Variants in NDC1 observed in about 807,000 individuals in gnomAD.
NDC1 encodes the protein nucleoporin NDC1.
Under a neutral mutation model 89.8 loss-of-function variants are expected in NDC1, and 24 were observed. The observed-to-expected ratio is 0.27, with a 90% CI of 0.19 to 0.38. The LOEUF (loss-of-function observed/expected upper bound fraction) is 0.38, where lower values mean the gene tolerates loss of function less well. NDC1 is among the 10% of genes least tolerant of loss of function. NDC1 has a pLI of 1.00. For synonymous variants in NDC1, 296 were observed against 284.8 expected, an observed-to-expected ratio of 1.04 and a Z score of -0.39; for missense variants, 728 against 797.6, an observed-to-expected ratio of 0.91 and a Z score of 1.05.
At chr1:53,779,246 T>C (rs1647185422) in intron 16 of NDC1, among the ~76,000 whole-genome samples, 1 of 151,746 alleles carries the variant, frequency 6.6e-6, no homozygotes, top group African/African-American at 2.4e-5. Context: ...AGAGATAATC[T>C]CATTTACTCT....
rs1455329490 is a variant in NDC1 at position 53,819,155 on chromosome 1, C to T, written c.595-76G>A. ...ACTCAACATCACCTTAAAGCAAGCACTTTACTGTAACAGTCTACATAGAAA... is the reference window on the plus strand; with the variant it reads ...ACTCAACATCACCTTAAAGCAAGCATTTTACTGTAACAGTCTACATAGAAA... On this transcript the variant is annotated intron_variant, in intron 5 of 17. Transcript: ENST00000371429. 4 of 720,186 alleles carry T rather than the reference C, an allele frequency of 5.6e-6. No individual in the cohort carries two copies. In the African/African-American group the frequency reaches 7.3e-5, roughly 13 times the overall value. The allele number at this position is 720,186 out of a possible 1,614,324, so 44.6% of individuals were successfully genotyped here.
intron 9 of NDC1, among the ~76,000 whole-genome samples, chr1:53,804,602 G>A (rs947745911): frequency 2.6e-5 from 4 of 151,800 alleles, no homozygotes; most frequent in African/African-American, 7.3e-5. Context: ...TCAGCCTCCC[G>A]AGTGGCTGGG....
rs1164844207 is a variant in NDC1 at position 53,832,519 on chromosome 1, A to C, written c.251T>G (p.Ile84Arg). 1 of 1,523,734 alleles carries C rather than the reference A, an allele frequency of 6.6e-7. No homozygotes were observed. The highest frequency in any genetic ancestry group is 1.2e-5 in the South Asian group (1 of 86,904). The allele number at this position is 1,523,734 out of a possible 1,614,324, so 94.4% of individuals were successfully genotyped here. The change falls in exon 3 of 18, where the codon ATA becomes AGA. Residue 84 changes from isoleucine to arginine, a missense_variant. By Grantham distance (97) the Ile-to-Arg change is moderately conservative. Coordinates refer to ENST00000371429, the MANE Select transcript of NDC1 (RefSeq NM_018087.5). ...ATAGAACTCCACATTGAAAATACTT[A>C]TTATTATTATTACCACTGACAGCAG... ...FLLLSVVIIIISIFNVEFYAV... is the reference protein window; with the variant it reads ...FLLLSVVIIIRSIFNVEFYAV...
intron 13 of NDC1, among the ~76,000 whole-genome samples, chr1:53,794,192 T>G (rs190914694): frequency 5.3e-4 from 81 of 152,192 alleles, no homozygotes; most frequent in Non-Finnish European, 1.0e-3. Flanking sequence ...CCCATGCTGG[T>G]CTCGAATTCC....
intron 11 of NDC1, among the ~76,000 whole-genome samples, chr1:53,797,996 C>A (rs575370181): frequency 1.3e-5 from 2 of 152,058 alleles, no homozygotes; most frequent in African/African-American, 4.8e-5. Flanking sequence ...TAAATCTGAT[C>A]TGTAAACAGC....
intron 5 of NDC1, 46 bp from the exon 6 acceptor site, chr1:53,819,125 G>A: frequency 1.1e-6 from 1 of 888,030 alleles, no homozygotes; most frequent in Non-Finnish European, 1.8e-6. Context: ...CAAATCAAAT[G>A]ATACACTCAA....
At chr1:53,811,749 C>T (rs1233958407) in intron 6 of NDC1, among the ~76,000 whole-genome samples, 1 of 151,782 alleles carries the variant, frequency 6.6e-6, no homozygotes, top group Non-Finnish European at 1.5e-5. Flanking sequence ...CTCCACACTA[C>T]TACAGCTGAG....
At chr1:53,833,953 C>T (rs1649149368) in intron 2 of NDC1, among the ~76,000 whole-genome samples, 1 of 151,916 alleles carries the variant, frequency 6.6e-6, no homozygotes, top group African/African-American at 2.4e-5. Context: ...GCCTCAGCCT[C>T]CCGAGTAGCT....
chr1:53,798,421 C>A (rs1647798464), intron 11 of NDC1, among the ~76,000 whole-genome samples: 1 of 151,680 alleles, frequency 6.6e-6, no homozygotes. Context: ...CCCACCTCGG[C>A]CTCCCAAAAT....
chr1:53,817,971 A>G (rs1219630362), intron 6 of NDC1, among the ~76,000 whole-genome samples: 1 of 152,198 alleles, frequency 6.6e-6, no homozygotes, highest in Non-Finnish European at 1.5e-5. Context: ...TAAATTCCAC[A>G]AGTTTCCCCT....
chr1:53,798,409 C>A (rs1647797817), intron 11 of NDC1, among the ~76,000 whole-genome samples: 1 of 151,496 alleles, frequency 6.6e-6, no homozygotes, highest in Non-Finnish European at 1.5e-5. Context: ...CCTCATGATC[C>A]GCCCACCTCG....
Position 53,825,933 on chromosome 1 carries a change from A to G in NDC1, c.459T>C (p.Phe153=), listed in dbSNP as rs1190979544. The part of the protein sequence containing the change: ...LVVPCTGTNS[F]GSPAAQTCLN... ...AGCAGGTTTGCGCAGCAGGGCTACCAAAGCTGAAGGGAAAAAATTAAGTTA... is the reference window on the plus strand; with the variant it reads ...AGCAGGTTTGCGCAGCAGGGCTACCGAAGCTGAAGGGAAAAAATTAAGTTA... Residue 153 remains phenylalanine (F), a synonymous_variant, in exon 5 of 18, where the codon TTT becomes TTC. Coordinates refer to ENST00000371429, the MANE Select transcript of NDC1 (RefSeq NM_018087.5). 1.2e-6 allele frequency: 2 copies of G among 1,611,038 alleles called. No homozygotes were observed. Among genetic ancestry groups the G allele is most frequent in the South Asian group, 2.2e-5 (2 of 90,020 alleles).
chr1:53,805,420 GGTCTT>G (rs1648068143), intron 9 of NDC1, among the ~76,000 whole-genome samples: 1 of 152,108 alleles, frequency 6.6e-6, no homozygotes, highest in African/African-American at 2.4e-5. Context: ...TTTCCAAGCT[GGTCTT>G]GAACTCCTGG....
chr1:53,780,262 T>G (rs1164309092), intron 16 of NDC1, among the ~76,000 whole-genome samples: 2 of 152,006 alleles, frequency 1.3e-5, no homozygotes, highest in African/African-American at 4.8e-5. Flanking sequence ...TTAGTAGAGA[T>G]AGGGTTTCAC....
chr1:53,778,260 T>TACACACAC (rs202023880), intron 16 of NDC1, among the ~76,000 whole-genome samples: 25 of 144,784 alleles, frequency 1.7e-4, no homozygotes, highest in African/African-American at 3.3e-4. Context: ...TGTGTGTATA[T>TACACACAC]ACACACACAC....
At chr1:53,809,069 T>A (rs772613796) in intron 7 of NDC1, among the ~76,000 whole-genome samples, 1 of 152,230 alleles carries the variant, frequency 6.6e-6, no homozygotes, top group Non-Finnish European at 1.5e-5. Flanking sequence ...GTCACTTGAC[T>A]GCCACTTGTG....
At chr1:53,813,785 A>G (rs753285265) in intron 6 of NDC1, among the ~76,000 whole-genome samples, 8 of 152,218 alleles carry the variant, frequency 5.3e-5, no homozygotes, top group Non-Finnish European at 1.2e-4. Flanking sequence ...GACTTAACAG[A>G]TAGATACAGA....
In NDC1 at chr1:53,838,246, T is replaced by C; in HGVS notation, c.16A>G (p.Ser6Gly). Residue 6 changes from serine (S) to glycine (G), a missense_variant, in exon 1 of 18, where the codon AGC (serine) becomes GGC (glycine). Coordinates refer to ENST00000371429, the MANE Select transcript of NDC1 (RefSeq NM_018087.5). MATAV[S>G]RPCAGRSRDI... Reference sequence around the variant, plus strand: ...CGCGACCTGCCGGCGCAGGGCCGGCTCACGGCCGTGGCCATGGAGATGGCG... The same window carrying C: ...CGCGACCTGCCGGCGCAGGGCCGGCCCACGGCCGTGGCCATGGAGATGGCG... 1.3e-6 allele frequency: 2 copies of C among 1,537,078 alleles called. No homozygotes were observed.
At chr1:53,769,943 T>C (rs1014793131) in intron 17 of NDC1, among the ~76,000 whole-genome samples, 1 of 152,194 alleles carries the variant, frequency 6.6e-6, no homozygotes, top group African/African-American at 2.4e-5. Context: ...ACTACTTGCA[T>C]AATCTTGGGT....
Sources: gnomAD v4.1 joint callset for allele counts (sites outside exome capture counted in the v4.1 genomes callset) on GRCh38, gnomAD v4.1.1 for gene constraint, MANE v1.5 for transcripts, NCBI Gene and HGNC (gene_info 2026-07-23, HGNC 2026-07-21) for gene names.